DNAH7: variants seen among roughly 807,000 people sequenced by gnomAD.
DNAH7 encodes the protein axonemal beta dynein heavy chain 7.
In DNAH7, 397 loss-of-function variants were observed where a neutral mutation model predicts 444.6. The ratio of observed to expected loss-of-function variants is 0.89; its 90% confidence interval spans 0.82 to 0.97. The LOEUF (loss-of-function observed/expected upper bound fraction) is 0.97, where lower values mean the gene tolerates loss of function less well. DNAH7 is among the 50% of genes least tolerant of loss of function. The pLI is 0.00. For synonymous variants in DNAH7, 1,636 were observed against 1,624.4 expected (o/e 1.01, Z -0.17); for missense variants, 4,902 against 4,800.8 (o/e 1.02, Z -0.62).
At chr2:195,862,407 T>G (rs1022308131) in intron 41 of DNAH7, among the ~76,000 whole-genome samples, 21 of 152,182 alleles carry the variant, frequency 1.4e-4, no homozygotes, top group Non-Finnish European at 1.3e-4. Flanking sequence ...GCCTGGAAGA[T>G]TCCAGTAGCA....
In DNAH7 at chr2:195,756,246, T is replaced by G; in HGVS notation, c.11473A>C (p.Ser3825Arg). ...VMSTDLEEVV[S>R]SILNVKIPEM... ...GGAATTTTGACATTCAAAATGCTGC[T>G]AACCACTTCTTCAAGATCTGTAGAC... Residue 3825 changes from serine to arginine, a missense_variant, in exon 62 of 65, where the codon AGC (serine) becomes CGC (arginine). Coordinates refer to ENST00000312428, the MANE Select transcript of DNAH7 (RefSeq NM_018897.3). 6.2e-7 allele frequency: 1 copy of G among 1,613,772 alleles called. No individual in the cohort carries two copies. Among genetic ancestry groups the G allele is most frequent in the Non-Finnish European group, 8.5e-7 (1 of 1,179,748 alleles).
At chr2:195,997,427 AT>A (rs1172134222) in intron 12 of DNAH7, among the ~76,000 whole-genome samples, 22 of 152,310 alleles carry the variant, frequency 1.4e-4, no homozygotes, top group South Asian at 8.3e-4. Context: ...AGGCAGGAGA[AT>A]CGCGTGAACC....
rs1574602258 is a variant in DNAH7, at chr2:195,864,213, G to T, written c.7442C>A (p.Ala2481Glu). The change falls in exon 41 of 65, where the codon GCA (alanine) becomes GAA (glutamate). Residue 2481 changes from alanine to glutamate, a missense_variant. Transcript: ENST00000312428. ...VVLAMSPIGD[A>E]FRNRLRKFPA... ...GAACTTTCTAAGACGATTCCGAAATGCATCTCCAATGGGACTCATGGCAAG... is the reference window on the plus strand; with the variant it reads ...GAACTTTCTAAGACGATTCCGAAATTCATCTCCAATGGGACTCATGGCAAG... 1.4e-5 allele frequency: 23 copies of T among 1,614,156 alleles called. No individual in the cohort carries two copies. Among genetic ancestry groups the T allele is most frequent in the Non-Finnish European group, 1.9e-5 (23 of 1,180,018 alleles).
chr2:195,933,865 G>A (rs1186719821), intron 21 of DNAH7, among the ~76,000 whole-genome samples: 4 of 151,974 alleles, frequency 2.6e-5, no homozygotes, highest in East Asian at 1.9e-4. Flanking sequence ...AAACCTGCAC[G>A]TTGTGCACAT....
intron 61 of DNAH7, among the ~76,000 whole-genome samples, chr2:195,767,055 T>C (rs911344008): frequency 1.3e-5 from 2 of 152,106 alleles, no homozygotes; most frequent in African/African-American, 2.4e-5. Context: ...TAATTTGTCT[T>C]TATTTTATTA....
intron 19 of DNAH7, among the ~76,000 whole-genome samples, chr2:195,949,581 G>C (rs1228181136): frequency 6.6e-6 from 1 of 152,150 alleles, no homozygotes; most frequent in Non-Finnish European, 1.5e-5. Flanking sequence ...ACAGCGCCTG[G>C]CTTACCCTTT....
At chr2:195,887,213 T>C (rs1398055087) in intron 33 of DNAH7, among the ~76,000 whole-genome samples, 1 of 149,970 alleles carries the variant, frequency 6.7e-6, no homozygotes, top group Non-Finnish European at 1.5e-5. Context: ...TTCAGTTACA[T>C]AGAAAATTCG....
intron 18 of DNAH7, among the ~76,000 whole-genome samples, chr2:195,958,123 T>C (rs539903204): frequency 2.0e-5 from 3 of 151,948 alleles, no homozygotes; most frequent in African/African-American, 7.2e-5. Context: ...TTTTTTTCAA[T>C]AAAGGTTACA....
chr2:195,746,030 C>T (rs1041830505), intron 63 of DNAH7, among the ~76,000 whole-genome samples: 2 of 152,164 alleles, frequency 1.3e-5, no homozygotes, highest in African/African-American at 2.4e-5. Flanking sequence ...GGACTAAATG[C>T]TCCAATTAAA....
At chr2:195,882,846 G>A (rs925420465) in intron 35 of DNAH7, among the ~76,000 whole-genome samples, 11 of 151,986 alleles carry the variant, frequency 7.2e-5, no homozygotes, top group Non-Finnish European at 1.2e-4. Flanking sequence ...CCCCCACCCC[G>A]CTTCCCTGGG....
At chr2:196,068,067 G>A (rs1390120427) in intron 1 of DNAH7, among the ~76,000 whole-genome samples, 1 of 152,180 alleles carries the variant, frequency 6.6e-6, no homozygotes, top group East Asian at 1.9e-4. Flanking sequence ...GAGAAAAAAA[G>A]AGAAAGAAAA....
rs182601449 is a variant in DNAH7 at position 195,852,127 on chromosome 2, G to A, written c.8781+1216C>T. Among the ~76,000 whole-genome samples the A allele has an allele frequency of 5.7e-4, 87 of 151,904 alleles. 1 individual carries two copies. The East Asian group carries it at 0.013, about 22-fold the overall frequency. ...CAAAAAATTAGCCAGGCGTGGTGGC[G>A]GGCACCTGTAGTCCCAGCTACTTGG... On this transcript the variant is annotated intron_variant, in intron 46 of 64. Coordinates refer to ENST00000312428, the MANE Select transcript of DNAH7 (RefSeq NM_018897.3).
intron 54 of DNAH7, 50 bp downstream of exon 54, chr2:195,806,690 C>T (rs983525305): frequency 2.0e-6 from 3 of 1,502,094 alleles, no homozygotes; most frequent in Non-Finnish European, 2.8e-6. Context: ...ATGGACTGAG[C>T]AGGCATAAGG....
intron 33 of DNAH7, among the ~76,000 whole-genome samples, chr2:195,887,939 T>C (rs908028424): frequency 4.6e-5 from 7 of 152,116 alleles, no homozygotes; most frequent in African/African-American, 1.7e-4. Flanking sequence ...TTTAGGAACT[T>C]TGGATAATAA....
At chr2:195,984,897 T>C (rs1335424871) in intron 14 of DNAH7, among the ~76,000 whole-genome samples, 187 bp from the exon 15 acceptor site, 5 of 152,226 alleles carry the variant, frequency 3.3e-5, no homozygotes, top group Admixed American at 6.5e-5. Flanking sequence ...GATGATCTAG[T>C]ACATTTTTAA....
At chr2:195,887,114 T>A (rs900788102) in intron 33 of DNAH7, among the ~76,000 whole-genome samples, 11 of 151,720 alleles carry the variant, frequency 7.3e-5, no homozygotes, top group African/African-American at 2.7e-4. Flanking sequence ...TAACAGGCAT[T>A]CCTAATTTCT....
chr2:195,978,120 G>A (rs1186186693), intron 15 of DNAH7, among the ~76,000 whole-genome samples: 1 of 151,996 alleles, frequency 6.6e-6, no homozygotes, highest in East Asian at 1.9e-4. Context: ...CTGTAATTGT[G>A]GTGTGTAAAC....
At chr2:195,849,713 A>G (rs1260555687) in intron 46 of DNAH7, among the ~76,000 whole-genome samples, 3 of 151,890 alleles carry the variant, frequency 2.0e-5, no homozygotes, top group Admixed American at 6.6e-5. Context: ...CAATCCACCC[A>G]CCTCAGCCTC....
chr2:195,974,523 C>T (rs1007192149), intron 15 of DNAH7, among the ~76,000 whole-genome samples: 2 of 152,012 alleles, frequency 1.3e-5, no homozygotes, highest in Non-Finnish European at 2.9e-5. Context: ...AATAAATAAT[C>T]CCCAAATTCC....
Sources: gnomAD v4.1 joint callset for allele counts (sites outside exome capture counted in the v4.1 genomes callset) on GRCh38, gnomAD v4.1.1 for gene constraint, MANE v1.5 for transcripts, NCBI Gene and HGNC (gene_info 2026-07-23, HGNC 2026-07-21) for gene names.